SLC4A4: variants seen among roughly 807,000 people sequenced by gnomAD.
SLC4A4 encodes the protein electrogenic sodium bicarbonate cotransporter 1.
Under a neutral mutation model 111.5 loss-of-function variants are expected in SLC4A4, and 27 were observed. The observed-to-expected ratio is 0.24, with a 90% confidence interval of 0.18 to 0.33. SLC4A4 has a LOEUF of 0.33. Ranked by LOEUF, SLC4A4 falls within the 10% of genes least tolerant of loss-of-function variation. SLC4A4 has a pLI of 1.00. For synonymous variants in SLC4A4, 443 were observed against 463.4 expected, an observed-to-expected ratio of 0.96 and a Z score of 0.57; for missense variants, 909 against 1,315.5, an observed-to-expected ratio of 0.69 and a Z score of 4.78.
chr4:71,311,974 AT>A (rs1726230316), intron 3 of SLC4A4, among the ~76,000 whole-genome samples: 1 of 151,794 alleles, frequency 6.6e-6, no homozygotes, highest in African/African-American at 2.4e-5. Context: ...AAAATCAATG[AT>A]TGCGGGAGCT....
intron 1 of SLC4A4, among the ~76,000 whole-genome samples, 170 bp downstream of exon 1, chr4:71,187,571 C>T (rs1276538169): frequency 6.6e-6 from 1 of 152,170 alleles, no homozygotes; most frequent in African/African-American, 2.4e-5. Context: ...CTGAGCTGGG[C>T]GCGGGCGGTG....
chr4:71,477,020 T>C (rs1728437730), intron 14 of SLC4A4, among the ~76,000 whole-genome samples: 1 of 151,684 alleles, frequency 6.6e-6, no homozygotes, highest in African/African-American at 2.4e-5. Flanking sequence ...CTGAAAAATA[T>C]CCAATTGAAG....
intron 13 of SLC4A4, 64 bp downstream of exon 13, chr4:71,466,641 A>G (rs1727341210): frequency 1.7e-5 from 25 of 1,483,258 alleles, no homozygotes; most frequent in African/African-American, 4.2e-5. Context: ...TATAGGCTAG[A>G]TAGAGCATAG....
chr4:71,277,904 GTTA>G (rs1723204906), intron 3 of SLC4A4, among the ~76,000 whole-genome samples: 1 of 152,124 alleles, frequency 6.6e-6, no homozygotes, highest in South Asian at 2.1e-4. Context: ...CTGCAATCAA[GTTA>G]CTTAACACAG....
chr4:71,442,360 A>G (rs774036430), intron 8 of SLC4A4, among the ~76,000 whole-genome samples: 35 of 152,192 alleles, frequency 2.3e-4, no homozygotes, highest in Admixed American at 3.9e-4. Context: ...AATTCAAGGC[A>G]ACGTAATTCA....
chr4:71,361,599 A>AT lies in SLC4A4; in HGVS notation c.730+4417dup. Among the ~76,000 whole-genome samples, 3 of 152,204 alleles carry AT rather than the reference A, an allele frequency of 2.0e-5. No individual in the cohort carries two copies. The South Asian group carries it at 6.2e-4, about 32-fold the overall frequency. On this transcript the variant is annotated intron_variant, in intron 6 of 25. Coordinates refer to ENST00000264485, the MANE Select transcript of SLC4A4 (RefSeq NM_001098484.3). Reference sequence around the variant, plus strand: ...AGGTTTTAGGTAATTCTGGTGTTGGATTTTTCCTTACCTACTTTTTATTTA... The same window carrying AT: ...AGGTTTTAGGTAATTCTGGTGTTGGATTTTTTCCTTACCTACTTTTTATTTA...
At chr4:71,327,174 TA>T (rs1211350234) in intron 3 of SLC4A4, among the ~76,000 whole-genome samples, 3 of 152,000 alleles carry the variant, frequency 2.0e-5, no homozygotes, top group African/African-American at 7.2e-5. Context: ...GGATGCTTCC[TA>T]TACCAAAACC....
intron 1 of SLC4A4, among the ~76,000 whole-genome samples, chr4:71,228,433 C>G (rs915686006): frequency 6.6e-6 from 1 of 152,130 alleles, no homozygotes; most frequent in Admixed American, 6.5e-5. Context: ...TCTCTGGGCC[C>G]TAGGAACTTT....
At chr4:71,136,427 C>T (rs1743843933) in intron 2 of SLC4A4, among the ~76,000 whole-genome samples, 1 of 152,158 alleles carries the variant, frequency 6.6e-6, no homozygotes, top group Admixed American at 6.5e-5. Context: ...CTAATTTTTG[C>T]CCTTTAGTGA....
At chr4:71,334,746 C>A (rs1437067863) in intron 3 of SLC4A4, among the ~76,000 whole-genome samples, 1 of 152,166 alleles carries the variant, frequency 6.6e-6, no homozygotes, top group East Asian at 1.9e-4. Context: ...GTGTTACATC[C>A]TTCTTCCATT....
At chr4:71,152,305 C>T (rs1324970603) in intron 2 of SLC4A4, among the ~76,000 whole-genome samples, 1 of 152,062 alleles carries the variant, frequency 6.6e-6, no homozygotes, top group Admixed American at 6.6e-5. Context: ...CTAAATAATA[C>T]AACATATATT....
rs1579009824 is a variant in SLC4A4 at position 71,398,799 on chromosome 4, C to T, written c.807+1146C>T. Among the ~76,000 whole-genome samples the T allele has an allele frequency of 4.6e-5, 7 of 152,292 alleles. No individual in the cohort carries two copies. The South Asian group carries it at 1.4e-3, about 32-fold the overall frequency. Reference sequence around the variant, plus strand: ...AGTGGAAACTATAATACATAACTCACCTCAGAAAATCAAATATCTGATCCT... The same window carrying T: ...AGTGGAAACTATAATACATAACTCATCTCAGAAAATCAAATATCTGATCCT... On this transcript the variant is annotated intron_variant, in intron 7 of 25. Coordinates refer to ENST00000264485, the MANE Select transcript of SLC4A4 (RefSeq NM_001098484.3).
chr4:71,512,235 C>T (rs1278834857), intron 16 of SLC4A4, among the ~76,000 whole-genome samples: 1 of 152,058 alleles, frequency 6.6e-6, no homozygotes, highest in East Asian at 1.9e-4. Flanking sequence ...CTACCACAGT[C>T]TACCAACCAT....
At chr4:71,255,130 A>T (rs1721349099) in intron 2 of SLC4A4, 90 bp from the exon 3 acceptor site, 1 of 1,198,478 alleles carries the variant, frequency 8.3e-7, no homozygotes, top group African/African-American at 1.5e-5. Flanking sequence ...GAATTTATAG[A>T]CATTTTCTTC....
intron 1 of SLC4A4, among the ~76,000 whole-genome samples, chr4:71,194,987 G>C (rs1480586347): frequency 6.6e-6 from 1 of 152,034 alleles, no homozygotes; most frequent in Non-Finnish European, 1.5e-5. Context: ...TTCAGCTTTG[G>C]CTTGATGTTG....
intron 16 of SLC4A4, 32 bp downstream of exon 16, chr4:71,497,724 G>T (rs1398038681): frequency 6.5e-7 from 1 of 1,533,636 alleles, no homozygotes; most frequent in Non-Finnish European, 9.0e-7. Context: ...GATTTTCATT[G>T]GATTTACACT....
At chr4:71,301,489 A>G (rs1205997515) in intron 3 of SLC4A4, among the ~76,000 whole-genome samples, 1 of 152,184 alleles carries the variant, frequency 6.6e-6, no homozygotes, top group East Asian at 1.9e-4. Flanking sequence ...AAGGGAGGCA[A>G]GGATAAAGGC....
chr4:71,413,559 T>G (rs931333254), intron 7 of SLC4A4, among the ~76,000 whole-genome samples: 4 of 152,258 alleles, frequency 2.6e-5, no homozygotes, highest in Non-Finnish European at 5.9e-5. Context: ...GAAAAGTACT[T>G]CTGCATTTAA....
At chr4:71,155,745 T>C (rs1744442011) in intron 2 of SLC4A4, among the ~76,000 whole-genome samples, 2 of 152,206 alleles carry the variant, frequency 1.3e-5, no homozygotes, top group South Asian at 4.1e-4. Context: ...ATTACAAGCA[T>C]GAGCCACTGC....
Sources: allele counts gnomAD v4.1 joint callset (sites outside exome capture counted in the v4.1 genomes callset), GRCh38; gene constraint gnomAD v4.1.1; transcripts MANE v1.5; gene names NCBI Gene and HGNC (gene_info 2026-07-23, HGNC 2026-07-21).